Variants in GRM8 observed in about 807,000 individuals in gnomAD.
GRM8 encodes glutamate metabotropic receptor 8, also known as metabotropic glutamate receptor 8.
A neutral mutation model predicts 87.2 loss-of-function variants in GRM8; 47 were observed. The ratio of observed to expected loss-of-function variants is 0.54; its 90% CI spans 0.43 to 0.69. The LOEUF (loss-of-function observed/expected upper bound fraction) is 0.69, where lower values mean the gene tolerates loss of function less well. Ranked by LOEUF, GRM8 falls within the 30% of genes least tolerant of loss-of-function variation. The pLI is 0.00. For missense variants in GRM8, 1,019 were observed against 1,139.2 expected, an observed-to-expected ratio of 0.89 and a Z score of 1.52; for synonymous variants, 396 against 404.5, an observed-to-expected ratio of 0.98 and a Z score of 0.25.
At chr7:127,204,253 A>G (rs1165734391) in intron 2 of GRM8, among the ~76,000 whole-genome samples, 1 of 152,224 alleles carries the variant, frequency 6.6e-6, no homozygotes, top group Non-Finnish European at 1.5e-5. Context: ...TCTCCAGTGC[A>G]TTATTATACA....
At chr7:127,245,307 A>G (rs7792594) in intron 1 of GRM8, among the ~76,000 whole-genome samples, 38,924 of 152,124 alleles carry the variant, frequency 0.26, 5,475 homozygotes, top group Middle Eastern at 0.4. Flanking sequence ...CACGTGGCTG[A>G]GCCGACCCTT....
chr7:126,534,962 A>G (rs1206158424), intron 8 of GRM8, among the ~76,000 whole-genome samples: 1 of 152,192 alleles, frequency 6.6e-6, no homozygotes, highest in Admixed American at 6.5e-5. Context: ...GAAAGGCACT[A>G]GAGCAGAGCC....
intron 3 of GRM8, among the ~76,000 whole-genome samples, chr7:126,938,934 A>C (rs1806612072): frequency 6.6e-6 from 1 of 152,156 alleles, no homozygotes; most frequent in Non-Finnish European, 1.5e-5. Flanking sequence ...TCAGCTACTT[A>C]CCTAGACTCT....
rs766611058 is a variant in GRM8, at chr7:126,770,005, A to G, written c.1217T>C (p.Ile406Thr). 4 of 1,612,682 alleles carry G rather than the reference A, an allele frequency of 2.5e-6. No individual in the cohort carries two copies. Among genetic ancestry groups the G allele is most frequent in the Non-Finnish European group, 3.4e-6 (4 of 1,179,028 alleles). ...GTAAGCCATGGAATATACAGCATCA[A>G]TTACAAATTGGACCTTTCCTTCCTG... ...YEQEGKVQFV[I>T]DAVYSMAYAL... is the part of the protein sequence containing the mutation. Residue 406 changes from isoleucine (I) to threonine (T), a missense_variant, in exon 7 of 11, where the codon ATT becomes ACT. Ile to Thr is a moderately conservative substitution (Grantham distance 89, BLOSUM62 -1). Coordinates refer to ENST00000339582, the MANE Select transcript of GRM8 (RefSeq NM_000845.3).
intron 7 of GRM8, among the ~76,000 whole-genome samples, chr7:126,614,547 G>C (rs915773168): frequency 3.3e-5 from 5 of 151,922 alleles, no homozygotes; most frequent in African/African-American, 1.2e-4. Flanking sequence ...GACAAGCTGA[G>C]AGAAGGCTTC....
At chr7:127,200,919 A>G (rs188527029) in intron 2 of GRM8, among the ~76,000 whole-genome samples, 47 of 152,248 alleles carry the variant, frequency 3.1e-4, no homozygotes, top group African/African-American at 9.6e-4. Context: ...GTGCAAAACT[A>G]CTCACCTTTC....
chr7:126,940,650 A>G (rs1288843705), intron 3 of GRM8, among the ~76,000 whole-genome samples: 1 of 152,196 alleles, frequency 6.6e-6, no homozygotes, highest in Non-Finnish European at 1.5e-5. Context: ...TGAGCTCCCA[A>G]TTGAAGTGTT....
At chr7:126,791,042 T>C (rs1821236831) in intron 6 of GRM8, among the ~76,000 whole-genome samples, 1 of 152,134 alleles carries the variant, frequency 6.6e-6, no homozygotes, top group Non-Finnish European at 1.5e-5. Flanking sequence ...AAATGGAGTC[T>C]AAGCATCTGT....
intron 8 of GRM8, among the ~76,000 whole-genome samples, chr7:126,569,199 G>A (rs1794491984): frequency 1.3e-5 from 2 of 151,920 alleles, no homozygotes; most frequent in African/African-American, 4.8e-5. Context: ...CAAATCAGTG[G>A]GCCATCTAAA....
chr7:126,542,883 T>C (rs10256067), intron 8 of GRM8, among the ~76,000 whole-genome samples: 56,254 of 152,082 alleles, frequency 0.37, 10,568 homozygotes, highest in Middle Eastern at 0.42. Context: ...CAAGACTTTG[T>C]GAATTATGTC....
intron 6 of GRM8, among the ~76,000 whole-genome samples, chr7:126,894,083 C>T (rs1801315676): frequency 1.3e-5 from 2 of 152,040 alleles, no homozygotes; most frequent in African/African-American, 4.8e-5. Context: ...CTTTGTATCA[C>T]TTTTAGAAAA....
chr7:126,623,437 G>A (rs1283731548), intron 7 of GRM8, among the ~76,000 whole-genome samples: 2 of 152,088 alleles, frequency 1.3e-5, no homozygotes, highest in African/African-American at 4.8e-5. Context: ...AAAATCTTAT[G>A]TATACTTTAT....
intron 7 of GRM8, among the ~76,000 whole-genome samples, chr7:126,742,359 G>A (rs1454165433): frequency 6.6e-6 from 1 of 151,988 alleles, no homozygotes; most frequent in African/African-American, 2.4e-5. Context: ...GGCTGAAAAG[G>A]CAAGGGAAAA....
chr7:126,733,381 G>C (rs1483677995), intron 7 of GRM8, among the ~76,000 whole-genome samples: 7 of 149,890 alleles, frequency 4.7e-5, no homozygotes, highest in African/African-American at 1.7e-4. Context: ...ATATAATAAT[G>C]TATTATGTCA....
chr7:126,565,576 A>G (rs1436701626), intron 8 of GRM8, among the ~76,000 whole-genome samples: 1 of 152,168 alleles, frequency 6.6e-6, no homozygotes, highest in Non-Finnish European at 1.5e-5. Context: ...TCCTGTATTT[A>G]TGGATTAGAA....
chr7:126,672,246 A>C (rs1046489766), intron 7 of GRM8, among the ~76,000 whole-genome samples: 2 of 152,154 alleles, frequency 1.3e-5, no homozygotes, highest in Non-Finnish European at 2.9e-5. Context: ...AGTCACTTTG[A>C]CACCCATGGT....
chr7:126,945,091 T>A (rs1807389002), intron 3 of GRM8, among the ~76,000 whole-genome samples: 1 of 152,078 alleles, frequency 6.6e-6, no homozygotes, highest in South Asian at 2.1e-4. Flanking sequence ...AGGCCATAGA[T>A]CTATAAATTA....
At chr7:126,940,238 T>C (rs990474265) in intron 3 of GRM8, among the ~76,000 whole-genome samples, 4 of 152,262 alleles carry the variant, frequency 2.6e-5, no homozygotes, top group African/African-American at 9.6e-5. Context: ...ATGGCTTATT[T>C]AATCCATTGT....
At chr7:126,593,755 AC>A (rs1378294690) in intron 8 of GRM8, among the ~76,000 whole-genome samples, 1 of 152,096 alleles carries the variant, frequency 6.6e-6, no homozygotes, top group African/African-American at 2.4e-5. Flanking sequence ...AGGGGACTAT[AC>A]AAAACTAAAA....
Sources: gnomAD v4.1 joint callset for allele counts (sites outside exome capture counted in the v4.1 genomes callset) on GRCh38, gnomAD v4.1.1 for gene constraint, MANE v1.5 for transcripts, NCBI Gene and HGNC (gene_info 2026-07-23, HGNC 2026-07-21) for gene names.